The following TBC1D25 variants were observed in gnomAD, a reference collection of about 807,000 sequenced individuals.
The protein encoded by TBC1D25 is TBC1 domain family member 25, also known as 5SN3 snoRNA.
In TBC1D25, 13 loss-of-function variants were observed where a neutral mutation model predicts 38.8. The ratio of observed to expected loss-of-function variants is 0.34; its 90% CI spans 0.22 to 0.53. The LOEUF (loss-of-function observed/expected upper bound fraction) is 0.53. Ranked by LOEUF, TBC1D25 falls within the 20% of genes least tolerant of loss-of-function variation. The probability of loss-of-function intolerance (pLI) is 0.94; values close to 1 mark genes in which losing one functional copy is unlikely to be tolerated. For synonymous variants in TBC1D25, 225 were observed against 255.6 expected (o/e 0.88, Z 1.14); for missense variants, 372 against 600.0 (o/e 0.62, Z 3.97).
chrX:48,551,705 C>G (rs1373009592), intron 3 of TBC1D25, among the ~76,000 whole-genome samples: 1 of 109,133 alleles, frequency 9.2e-6, no homozygotes, highest in Non-Finnish European at 1.9e-5. Flanking sequence ...CTCACTGTAA[C>G]CCCTGCCTCC....
At chrX:48,542,889 G>T (rs1556980673) in intron 2 of TBC1D25, among the ~76,000 whole-genome samples, 3 of 111,444 alleles carry the variant, frequency 2.7e-5, no homozygotes, top group African/African-American at 9.8e-5. Flanking sequence ...GTGAGCCACT[G>T]CGCCCAGCCA....
intron 3 of TBC1D25, among the ~76,000 whole-genome samples, chrX:48,546,696 A>G (rs2061889786): frequency 9.0e-6 from 1 of 111,667 alleles, no homozygotes; most frequent in African/African-American, 3.3e-5. Flanking sequence ...GTGGTATCAT[A>G]TCTATTGAAG....
chrX:48,544,209 A>G (rs1461081867), intron 2 of TBC1D25, among the ~76,000 whole-genome samples: 2 of 111,946 alleles, frequency 1.8e-5, no homozygotes, highest in Non-Finnish European at 3.8e-5. Flanking sequence ...ACTTTCTTAC[A>G]TAAACATTTT....
At chrX:48,551,617 G>A (rs1396631305) in intron 3 of TBC1D25, among the ~76,000 whole-genome samples, 2 of 75,565 alleles carry the variant, frequency 2.6e-5, no homozygotes, top group Admixed American at 1.4e-4. Flanking sequence ...GAGCCACTGC[G>A]CCCGGCCTTT....
In TBC1D25 at chrX:48,561,131, CT is replaced by C. The variant is rs1424724637; in HGVS notation, c.*159del. 1.7e-6 allele frequency: 1 copy of C among 603,872 alleles called. No individual in the cohort carries two copies. Among genetic ancestry groups the C allele is most frequent in the Non-Finnish European group, 2.5e-6 (1 of 406,475 alleles). 49.8% of individuals were successfully genotyped at this position (603,872 alleles called of 1,213,427 possible). A position where few individuals can be genotyped will look rare whatever the true frequency, so the allele number is the denominator to read the frequency against. On this transcript the variant is annotated 3_prime_UTR_variant, in exon 6 of 6. Transcript: ENST00000376771. ...CCAGGCCTAAGTATGTGGAGCTCTGCTTTGGCACTGCCCCGCAGAGGCCACG... is the reference window on the plus strand; with the variant it reads ...CCAGGCCTAAGTATGTGGAGCTCTGCTTGGCACTGCCCCGCAGAGGCCACG...
intron 3 of TBC1D25, among the ~76,000 whole-genome samples, chrX:48,558,328 T>C (rs1333936121): frequency 9.0e-6 from 1 of 111,435 alleles, no homozygotes; most frequent in East Asian, 2.8e-4. Flanking sequence ...GTGCACTGTT[T>C]GTGGGAGGAG....
At position 48,539,812 on chromosome X, in the gene TBC1D25, CG is replaced by C; in HGVS notation, c.19del (p.Ala7ProfsTer50). On this transcript the variant is annotated frameshift_variant, in exon 1 of 6. Transcript: ENST00000376771. LOFTEE classifies it high-confidence loss of function. ...GCGGCGGCGGGATGGCAACAGCCTC[CG>C]GGGCCTCGGACTTGTCTGGCTCCGG... MATAS[G>X]ASDLSGSGAP... The C allele has an allele frequency of 1.0e-6, 1 of 964,111 alleles. No homozygotes were observed. The allele number at this position is 964,111 out of a possible 1,213,427, so 79.5% of individuals were successfully genotyped here.
In TBC1D25 at chrX:48,561,079, C is replaced by T; in HGVS notation, c.*104C>T. 1 of 960,745 alleles carries T rather than the reference C, an allele frequency of 1.0e-6. No homozygotes were observed. The highest frequency in any genetic ancestry group is 1.4e-6 in the Non-Finnish European group (1 of 724,547). The allele number at this position is 960,745 out of a possible 1,213,427, so 79.2% of individuals were successfully genotyped here. On this transcript the variant is annotated 3_prime_UTR_variant, in exon 6 of 6. Coordinates refer to ENST00000376771, the MANE Select transcript of TBC1D25 (RefSeq NM_002536.4). The stretch of plus-strand genomic sequence containing the variant: ...TCCCTCCCTGCCTGCCAGCCCTAGA[C>T]TTGTTGGAGCATAGAGCCCTTCCTC...
chrX:48,554,287 C>T (rs1298583103), intron 3 of TBC1D25, among the ~76,000 whole-genome samples: 2 of 106,164 alleles, frequency 1.9e-5, no homozygotes, highest in Non-Finnish European at 3.9e-5. Context: ...CAGTGGCTCA[C>T]GCCTGTAATC....
intron 3 of TBC1D25, among the ~76,000 whole-genome samples, chrX:48,546,406 G>A (rs782118029): frequency 1.9e-5 from 2 of 107,495 alleles, no homozygotes; most frequent in Admixed American, 1.0e-4. Context: ...CCAGCTACTC[G>A]GGAGGCTGAG....
intron 3 of TBC1D25, among the ~76,000 whole-genome samples, chrX:48,556,608 G>A (rs976487459): frequency 8.2e-5 from 9 of 109,318 alleles, no homozygotes; most frequent in Non-Finnish European, 1.5e-4. Context: ...TTAGCCAGGC[G>A]TGGTGGCAGG....
chrX:48,550,753 G>A (rs2147181875), intron 3 of TBC1D25, among the ~76,000 whole-genome samples: 1 of 109,861 alleles, frequency 9.1e-6, no homozygotes, highest in East Asian at 2.9e-4. Context: ...TCCACCTCCT[G>A]GGTTCACGCC....
chrX:48,542,581 G>A (rs1289760051), intron 2 of TBC1D25, among the ~76,000 whole-genome samples: 3 of 105,634 alleles, frequency 2.8e-5, no homozygotes, highest in African/African-American at 1.0e-4. Context: ...TTTGCCTCCC[G>A]GGTTCAAGTG....
chrX:48,551,753 C>A (rs2061935719), intron 3 of TBC1D25, among the ~76,000 whole-genome samples: 1 of 108,509 alleles, frequency 9.2e-6, no homozygotes, highest in South Asian at 4.0e-4. Flanking sequence ...GCCTCCCAAG[C>A]AGCTGGGATT....
intron 3 of TBC1D25, among the ~76,000 whole-genome samples, chrX:48,546,776 T>A (rs1311088670): frequency 8.9e-6 from 1 of 111,926 alleles, no homozygotes; most frequent in East Asian, 2.8e-4. Flanking sequence ...TGTCTGCAAA[T>A]AAGTTGGCAA....
At chrX:48,541,962 T>A (rs2061842166) in intron 2 of TBC1D25, among the ~76,000 whole-genome samples, 1 of 110,802 alleles carries the variant, frequency 9.0e-6, no homozygotes, top group Non-Finnish European at 1.9e-5. Flanking sequence ...ACGTTTAAGG[T>A]AGGCTAGGCT....
Position 48,545,060 on chromosome X carries a change from A to G in TBC1D25, c.388+37A>G, listed in dbSNP as rs369638824. 66 of 1,197,137 alleles carry G rather than the reference A, an allele frequency of 5.5e-5. No individual in the cohort carries two copies. In the African/African-American group the frequency reaches 9.5e-4, roughly 17 times the overall value. ...GTGCCCCCAGGAGCACTGCTCTGGAACCCCTTTACCCCATAGGGTGATGCT... is the reference window on the plus strand; with the variant it reads ...GTGCCCCCAGGAGCACTGCTCTGGAGCCCCTTTACCCCATAGGGTGATGCT... On this transcript the variant is annotated intron_variant, in intron 3 of 5. Coordinates refer to ENST00000376771, the MANE Select transcript of TBC1D25 (RefSeq NM_002536.4).
At position 48,561,114 on chromosome X, in the gene TBC1D25, A is replaced by C; in HGVS notation, c.*139A>C. On this transcript the variant is annotated 3_prime_UTR_variant, in exon 6 of 6. Transcript: ENST00000376771. ...CATAGAGCCCTTCCTCCCCAGGCCT[A>C]AGTATGTGGAGCTCTGCTTTGGCAC... The C allele has an allele frequency of 1.4e-6, 1 of 697,789 alleles. No homozygotes were observed. The highest frequency in any genetic ancestry group is 2.0e-6 in the Non-Finnish European group (1 of 489,986). 57.5% of individuals were successfully genotyped at this position (697,789 alleles called of 1,213,427 possible).
intron 3 of TBC1D25, among the ~76,000 whole-genome samples, chrX:48,556,243 G>A (rs1412352277): frequency 1.8e-5 from 2 of 111,068 alleles, no homozygotes; most frequent in Non-Finnish European, 3.8e-5. Context: ...TTTTGTCCCT[G>A]GTTAATAGAG....
Sources: gnomAD v4.1 joint callset for allele counts (sites outside exome capture counted in the v4.1 genomes callset) on GRCh38, gnomAD v4.1.1 for gene constraint, MANE v1.5 for transcripts, NCBI Gene and HGNC (gene_info 2026-07-23, HGNC 2026-07-21) for gene names.